OR6C6: variants seen among roughly 807,000 people sequenced by gnomAD.
OR6C6 encodes the protein olfactory receptor 6C6.
For missense variants in OR6C6, 411 were observed against 366.8 expected (o/e 1.12, Z -0.98); for synonymous variants, 140 against 135.2 (o/e 1.04, Z -0.25).
At position 55,296,339 on chromosome 12, in the gene OR6C6, A is replaced by T. The variant is rs953512437; in HGVS notation, c.-46T>A. The T allele has an allele frequency of 5.3e-5, 8 of 151,970 alleles. No individual in the cohort carries two copies. The highest frequency in any genetic ancestry group is 8.8e-5 in the Non-Finnish European group (6 of 67,908). 9.4% of individuals were successfully genotyped at this position (151,970 alleles called of 1,614,324 possible). A position where few individuals can be genotyped will look rare whatever the true frequency, so the allele number is the denominator to read the frequency against. On this transcript the variant is annotated 5_prime_UTR_variant, in exon 1 of 2. The change abolishes an upstream ATG in the 5' untranslated region. Transcript: ENST00000358433. The stretch of plus-strand genomic sequence containing the variant: ...CTTACCTTTTTTGGATCTATTATTC[A>T]TTTCTTTCTGTGTGCACGGAAGAGA...
chr12:55,295,897 T>C (rs930992615), intron 1 of OR6C6, among the ~76,000 whole-genome samples: 1 of 152,020 alleles, frequency 6.6e-6, no homozygotes, highest in Non-Finnish European at 1.5e-5. Context: ...AGAAGTTATA[T>C]ATTTTAATAA....
chr12:55,295,193 C>T lies in OR6C6; in HGVS notation c.40G>A (p.Gly14Arg), dbSNP rs780831902. ...KSMEIEFILL[G>R]LTDDPQLQIV... ...TGCAACTGTGGGTCATCTGTCAATC[C>T]TAGGAGAATGAACTCTATTTCCATT... The change falls in exon 2 of 2, where the codon GGA (glycine) becomes AGA (arginine). Residue 14 changes from glycine (G) to arginine (R), a missense_variant. Transcript: ENST00000358433. 1.9e-6 allele frequency: 3 copies of T among 1,611,460 alleles called. No individual in the cohort carries two copies. Among genetic ancestry groups the T allele is most frequent in the Non-Finnish European group, 1.7e-6 (2 of 1,178,162 alleles).
Position 55,295,188 on chromosome 12 carries a change from C to T in OR6C6, c.45G>A (p.Leu15=). ...SMEIEFILLG[L]TDDPQLQIVI... is the part of the protein sequence containing the mutation. ...CAATTTGCAACTGTGGGTCATCTGTCAATCCTAGGAGAATGAACTCTATTT... is the reference window on the plus strand; with the variant it reads ...CAATTTGCAACTGTGGGTCATCTGTTAATCCTAGGAGAATGAACTCTATTT... Residue 15 remains leucine (L), a synonymous_variant, in exon 2 of 2, where the codon TTG becomes TTA. Transcript: ENST00000358433. The T allele has an allele frequency of 2.5e-6, 4 of 1,612,772 alleles. No individual in the cohort carries two copies. The South Asian group carries it at 4.4e-5, about 18-fold the overall frequency.
At position 55,295,242 on chromosome 12, in the gene OR6C6, G is replaced by A; in HGVS notation, c.-10C>T. 6.5e-7 allele frequency: 1 copy of A among 1,536,272 alleles called. No homozygotes were observed. Among genetic ancestry groups the A allele is most frequent in the Non-Finnish European group, 8.9e-7 (1 of 1,124,196 alleles). On this transcript the variant is annotated 5_prime_UTR_variant, in exon 2 of 2. Transcript: ENST00000358433. ...TTGATTTGTTCTTCATTTCTCTTTTGTGATCCTTATCAAATCTACATAGAA... is the reference window on the plus strand; with the variant it reads ...TTGATTTGTTCTTCATTTCTCTTTTATGATCCTTATCAAATCTACATAGAA...
In OR6C6 at chr12:55,294,865, G is replaced by A. The variant is rs1355812737; in HGVS notation, c.368C>T (p.Ala123Val). 1.2e-6 allele frequency: 2 copies of A among 1,613,938 alleles called. No individual in the cohort carries two copies. The highest frequency in any genetic ancestry group is 2.2e-5 in the East Asian group (1 of 44,882). ...TGGATAATGCAGTGGTTTGCAGATG[G>A]CAACGTAGCGGTCATAGGACATGGC... ...LAAMSYDRYV[A>V]ICKPLHYPII... is the part of the protein sequence containing the mutation. The change falls in exon 2 of 2, where the codon GCC (alanine) becomes GTC (valine). Residue 123 changes from alanine (A) to valine (V), a missense_variant. Physicochemically the swap from Ala to Val is moderately conservative, Grantham distance 64. Transcript: ENST00000358433.
At position 55,294,241 on chromosome 12, in the gene OR6C6, G is replaced by T; in HGVS notation, c.*47C>A. On this transcript the variant is annotated 3_prime_UTR_variant, in exon 2 of 2. Transcript: ENST00000358433. Reference sequence around the variant, plus strand: ...ATTACAGGCATGAGCCACCATGCCAGGCCGTTTTCCAGTTTTTATGGTAAA... The same window carrying T: ...ATTACAGGCATGAGCCACCATGCCATGCCGTTTTCCAGTTTTTATGGTAAA... The T allele has an allele frequency of 8.4e-7, 1 of 1,194,248 alleles. No individual in the cohort carries two copies. Among genetic ancestry groups the T allele is most frequent in the Non-Finnish European group, 1.2e-6 (1 of 827,004 alleles). 74.0% of individuals were successfully genotyped at this position (1,194,248 alleles called of 1,614,324 possible).
Position 55,295,102 on chromosome 12 carries a change from A to T in OR6C6, c.131T>A (p.Ile44Asn). The T allele has an allele frequency of 6.2e-7, 1 of 1,613,990 alleles. No individual in the cohort carries two copies. The highest frequency in any genetic ancestry group is 8.5e-7 in the Non-Finnish European group (1 of 1,179,938). Residue 44 changes from isoleucine (I) to asparagine (N), a missense_variant, in exon 2 of 2, where the codon ATC becomes AAC. Coordinates refer to ENST00000358433, the MANE Select transcript of OR6C6 (RefSeq NM_001005493.2). ...CCGGGGATCCAGCAGGGTGAGGATGATGATGATTAAGTTCCCCATCAGGCT... is the reference window on the plus strand; with the variant it reads ...CCGGGGATCCAGCAGGGTGAGGATGTTGATGATTAAGTTCCCCATCAGGCT... ...TLSLMGNLII[I>N]ILTLLDPRLK...
At chr12:55,295,319 GA>G (rs1337854952) in intron 1 of OR6C6, 62 bp from the exon 2 acceptor site, 2 of 645,002 alleles carry the variant, frequency 3.1e-6, no homozygotes, top group East Asian at 3.0e-5. Flanking sequence ...TTCTAAAGCA[GA>G]AAAAATATAT....
At chr12:55,296,108 C>A (rs918322386) in intron 1 of OR6C6, among the ~76,000 whole-genome samples, 2 of 151,668 alleles carry the variant, frequency 1.3e-5, no homozygotes, top group African/African-American at 4.9e-5. Context: ...ATATTAAATG[C>A]GTCAGTCTAC....
intron 1 of OR6C6, among the ~76,000 whole-genome samples, chr12:55,295,841 C>A (rs1262905527): frequency 1.3e-5 from 2 of 151,702 alleles, no homozygotes; most frequent in Non-Finnish European, 2.9e-5. Flanking sequence ...AATCAACAGT[C>A]GTTTAAGAGC....
rs1592255501 is a variant in OR6C6, at chr12:55,294,259, A to G, written c.*29T>C. ...CATGCCAGGCCGTTTTCCAGTTTTTATGGTAAAGTTGTAATTTGTAGCAGA... is the reference window on the plus strand; with the variant it reads ...CATGCCAGGCCGTTTTCCAGTTTTTGTGGTAAAGTTGTAATTTGTAGCAGA... On this transcript the variant is annotated 3_prime_UTR_variant, in exon 2 of 2. Transcript: ENST00000358433. 7.2e-7 allele frequency: 1 copy of G among 1,395,270 alleles called. No homozygotes were observed. Among genetic ancestry groups the G allele is most frequent in the East Asian group, 2.3e-5 (1 of 43,666 alleles). 86.4% of individuals were successfully genotyped at this position (1,395,270 alleles called of 1,614,324 possible).
At position 55,296,316 on chromosome 12, in the gene OR6C6, T is replaced by C. The variant is rs764966587; in HGVS notation, c.-26+3A>G. The stretch of plus-strand genomic sequence containing the variant: ...GACTAAGTTAAAATTATAGTTGACT[T>C]ACCTTTTTTGGATCTATTATTCATT... On this transcript the variant is annotated splice_donor_region_variant and intron_variant, in intron 1 of 1. Transcript: ENST00000358433. The C allele has an allele frequency of 5.3e-5, 8 of 152,060 alleles. No homozygotes were observed. Among genetic ancestry groups the C allele is most frequent in the Non-Finnish European group, 1.0e-4 (7 of 67,932 alleles). The allele number at this position is 152,060 out of a possible 1,614,324, so 9.4% of individuals were successfully genotyped here. A position where few individuals can be genotyped will look rare whatever the true frequency, so the allele number is the denominator to read the frequency against.
chr12:55,294,261 G>T lies in OR6C6; in HGVS notation c.*27C>A. The T allele has an allele frequency of 7.1e-7, 1 of 1,405,880 alleles. No homozygotes were observed. The highest frequency in any genetic ancestry group is 1.3e-5 in the South Asian group (1 of 78,588). 87.1% of individuals were successfully genotyped at this position (1,405,880 alleles called of 1,614,324 possible). On this transcript the variant is annotated 3_prime_UTR_variant, in exon 2 of 2. Coordinates refer to ENST00000358433, the MANE Select transcript of OR6C6 (RefSeq NM_001005493.2). ...TGCCAGGCCGTTTTCCAGTTTTTAT[G>T]GTAAAGTTGTAATTTGTAGCAGATT... is the stretch of plus-strand genomic sequence containing the variant.
At position 55,294,612 on chromosome 12, in the gene OR6C6, G is replaced by C; in HGVS notation, c.621C>G (p.Val207=). The stretch of plus-strand genomic sequence containing the variant: ...AAGAGAGAATCACTAATACCAGTGT[G>C]ACCACAAGTGTCACCACAGCTAAGG... ...SFTLAVVTLV[V]TLVLVILSYT... Residue 207 remains valine, a synonymous_variant, in exon 2 of 2, where the codon GTC becomes GTG. Coordinates refer to ENST00000358433, the MANE Select transcript of OR6C6 (RefSeq NM_001005493.2). The C allele has an allele frequency of 6.2e-7, 1 of 1,613,980 alleles. No homozygotes were observed.
rs750183318 is a variant in OR6C6, at chr12:55,294,341, C to T, written c.892G>A (p.Val298Ile). 35 of 1,612,944 alleles carry T rather than the reference C, an allele frequency of 2.2e-5. No homozygotes were observed. Among genetic ancestry groups the T allele is most frequent in the Non-Finnish European group, 2.8e-5 (33 of 1,179,284 alleles). Residue 298 changes from valine (V) to isoleucine (I), a missense_variant, in exon 2 of 2, where the codon GTC becomes ATC. By Grantham distance (29) the Val-to-Ile change is conservative. Coordinates refer to ENST00000358433, the MANE Select transcript of OR6C6 (RefSeq NM_001005493.2). ...TTCTTTTGTAATACATCCCAGAAGACTTCTTTCACCTGCTGGTTTCTGAGA... is the reference window on the plus strand; with the variant it reads ...TTCTTTTGTAATACATCCCAGAAGATTTCTTTCACCTGCTGGTTTCTGAGA... The part of the protein sequence containing the change: ...YTLRNQQVKE[V>I]FWDVLQKNLC...
chr12:55,295,095 G>A lies in OR6C6; in HGVS notation c.138C>T (p.Leu46=), dbSNP rs937598234. ...TCTTGAGCCGGGGATCCAGCAGGGT[G>A]AGGATGATGATGATTAAGTTCCCCA... ...SLMGNLIIII[L]TLLDPRLKTP... Residue 46 remains leucine, a synonymous_variant, in exon 2 of 2, where the codon CTC becomes CTT. Coordinates refer to ENST00000358433, the MANE Select transcript of OR6C6 (RefSeq NM_001005493.2). The A allele has an allele frequency of 3.1e-6, 5 of 1,613,860 alleles. No homozygotes were observed. The African/African-American group carries it at 5.3e-5, about 17-fold the overall frequency.
rs145746232 is a variant in OR6C6 at position 55,294,756 on chromosome 12, G to A, written c.477C>T (p.Val159=). Residue 159 remains valine, a synonymous_variant, in exon 2 of 2, where the codon GTC becomes GTT. Transcript: ENST00000358433. ...TGFLIIFPPL[V]MGLKLDFCAS... ...CACAAAAATCCAGCTTGAGTCCCAT[G>A]ACCAATGGGGGAAATATGATTAAGA... The A allele has an allele frequency of 5.6e-6, 9 of 1,613,794 alleles. No individual in the cohort carries two copies. The highest frequency in any genetic ancestry group is 1.3e-5 in the African/African-American group (1 of 74,918).
rs186805965 is a variant in OR6C6 at position 55,295,421 on chromosome 12, C to T, written c.-25-164G>A. 5.9e-5 allele frequency among the ~76,000 whole-genome samples: 9 copies of T among 152,084 alleles called. No individual in the cohort carries two copies. In the East Asian group the frequency reaches 1.2e-3, roughly 20 times the overall value. The stretch of plus-strand genomic sequence containing the variant: ...ATACCATAGGTGAATTCAAAATTTG[C>T]TCTAATCTACTAGTTCTCTTTATAA... On this transcript the variant is annotated intron_variant, in intron 1 of 1. Coordinates refer to ENST00000358433, the MANE Select transcript of OR6C6 (RefSeq NM_001005493.2).
In OR6C6 at chr12:55,294,884, A is replaced by G; in HGVS notation, c.349T>C (p.Ser117Pro). 1.9e-6 allele frequency: 3 copies of G among 1,614,070 alleles called. No individual in the cohort carries two copies. The highest frequency in any genetic ancestry group is 2.5e-6 in the Non-Finnish European group (3 of 1,179,976). The change falls in exon 2 of 2, where the codon TCC (serine) becomes CCC (proline). Residue 117 changes from serine (S) to proline (P), a missense_variant. Ser to Pro is a moderately conservative substitution (Grantham distance 74). Coordinates refer to ENST00000358433, the MANE Select transcript of OR6C6 (RefSeq NM_001005493.2). ...VTEFYLLAAM[S>P]YDRYVAICKP... ...CAGATGGCAACGTAGCGGTCATAGG[A>G]CATGGCAGCCAGGAGGTAAAACTCA...
Sources: gnomAD v4.1 joint callset for allele counts (sites outside exome capture counted in the v4.1 genomes callset) on GRCh38, gnomAD v4.1.1 for gene constraint, MANE v1.5 for transcripts, NCBI Gene and HGNC (gene_info 2026-07-23, HGNC 2026-07-21) for gene names.